The following IQCJ variants were observed in gnomAD, a reference collection of about 807,000 sequenced individuals.
IQCJ encodes IQ domain-containing protein J.
A neutral mutation model predicts 11.0 loss-of-function variants in IQCJ; 9 were observed. The observed-to-expected ratio is 0.82, with a 90% confidence interval of 0.49 to 1.43. The LOEUF is 1.43. Ranked by LOEUF, IQCJ falls within the 40% of genes most tolerant of loss-of-function variation. The pLI is 0.00. For missense variants in IQCJ, 146 were observed against 133.2 expected, an observed-to-expected ratio of 1.10 and a Z score of -0.47; for synonymous variants, 55 against 51.3, an observed-to-expected ratio of 1.07 and a Z score of -0.31.
intron 1 of IQCJ, among the ~76,000 whole-genome samples, chr3:159,228,760 G>A (rs1726012049): frequency 6.7e-6 from 1 of 150,328 alleles, no homozygotes; most frequent in South Asian, 2.1e-4. Flanking sequence ...CCGAGATCCC[G>A]CCACTGCACT....
At chr3:159,135,054 G>A (rs1300338381) in intron 1 of IQCJ, among the ~76,000 whole-genome samples, 2 of 152,142 alleles carry the variant, frequency 1.3e-5, no homozygotes, top group East Asian at 3.8e-4. Context: ...GGCCAATAGA[G>A]GGAGGCCATC....
At chr3:159,194,525 A>T (rs1312244905) in intron 1 of IQCJ, among the ~76,000 whole-genome samples, 1 of 152,208 alleles carries the variant, frequency 6.6e-6, no homozygotes, top group Non-Finnish European at 1.5e-5. Context: ...GAAGGTGGCC[A>T]CTGTCAAGCT....
chr3:159,104,486 C>T (rs1404439054), intron 1 of IQCJ, among the ~76,000 whole-genome samples: 2 of 152,204 alleles, frequency 1.3e-5, no homozygotes. Flanking sequence ...TTCTTTCTTA[C>T]CTTTTCCCTT....
chr3:159,226,636 G>C (rs1308045710), intron 1 of IQCJ, among the ~76,000 whole-genome samples: 1 of 152,162 alleles, frequency 6.6e-6, no homozygotes, highest in Non-Finnish European at 1.5e-5. Flanking sequence ...TTTAAATAAA[G>C]AGTTTTAGAA....
chr3:159,128,194 A>G (rs998849846), intron 1 of IQCJ, among the ~76,000 whole-genome samples: 1 of 152,228 alleles, frequency 6.6e-6, no homozygotes, highest in Non-Finnish European at 1.5e-5. Flanking sequence ...GTAAAAATTC[A>G]TGGGACAATG....
chr3:159,254,842 C>A (rs1443247356), intron 3 of IQCJ, among the ~76,000 whole-genome samples: 1 of 152,144 alleles, frequency 6.6e-6, no homozygotes, highest in African/African-American at 2.4e-5. Flanking sequence ...CAGTTGTTTC[C>A]TTTAACAACT....
At chr3:159,153,230 A>G (rs1721329165) in intron 1 of IQCJ, among the ~76,000 whole-genome samples, 1 of 152,258 alleles carries the variant, frequency 6.6e-6, no homozygotes, top group East Asian at 1.9e-4. Context: ...TCAAAATTTT[A>G]CCATACATCC....
At chr3:159,193,525 A>T (rs1237097853) in intron 1 of IQCJ, among the ~76,000 whole-genome samples, 2 of 151,992 alleles carry the variant, frequency 1.3e-5, no homozygotes, top group Admixed American at 1.3e-4. Context: ...ACTCTGCTTC[A>T]CTCTAAAGTG....
At chr3:159,220,774 A>G (rs918885294) in intron 1 of IQCJ, among the ~76,000 whole-genome samples, 2 of 152,122 alleles carry the variant, frequency 1.3e-5, no homozygotes, top group Non-Finnish European at 2.9e-5. Context: ...AGAAACTAAC[A>G]TTTGGGAGCT....
At chr3:159,080,681 G>A (rs983138301) in intron 1 of IQCJ, among the ~76,000 whole-genome samples, 13 of 152,136 alleles carry the variant, frequency 8.5e-5, no homozygotes, top group African/African-American at 3.1e-4. Flanking sequence ...CAACTTATGA[G>A]GTAGGTATTG....
At chr3:159,123,397 A>G (rs1719493552) in intron 1 of IQCJ, among the ~76,000 whole-genome samples, 1 of 152,192 alleles carries the variant, frequency 6.6e-6, no homozygotes, top group Admixed American at 6.5e-5. Flanking sequence ...CTCCTCTTAG[A>G]AACCTCGCTG....
At chr3:159,254,888 T>C (rs1289953324) in intron 3 of IQCJ, among the ~76,000 whole-genome samples, 1 of 152,210 alleles carries the variant, frequency 6.6e-6, no homozygotes, top group African/African-American at 2.4e-5. Context: ...AAGGGGCCAT[T>C]GGGTCTCCTG....
intron 1 of IQCJ, among the ~76,000 whole-genome samples, chr3:159,150,349 G>A (rs567955724): frequency 3.9e-5 from 6 of 152,246 alleles, no homozygotes; most frequent in African/African-American, 1.4e-4. Context: ...GGCCATCCAG[G>A]GAGGAGCAAG....
chr3:159,209,580 G>T (rs1482576954), intron 1 of IQCJ, among the ~76,000 whole-genome samples: 1 of 152,260 alleles, frequency 6.6e-6, no homozygotes, highest in South Asian at 2.1e-4. Context: ...GGCACTGCTT[G>T]TAACACACGT....
intron 1 of IQCJ, among the ~76,000 whole-genome samples, chr3:159,124,010 T>C (rs537915537): frequency 1.7e-4 from 26 of 152,174 alleles, no homozygotes; most frequent in Non-Finnish European, 2.8e-4. Flanking sequence ...GCAATATCCT[T>C]TCATGCACCT....
At chr3:159,228,721 T>C (rs1726009263) in intron 1 of IQCJ, among the ~76,000 whole-genome samples, 1 of 151,002 alleles carries the variant, frequency 6.6e-6, no homozygotes, top group South Asian at 2.1e-4. Flanking sequence ...GAGAGTGGCG[T>C]GAACCCGGGA....
intron 1 of IQCJ, among the ~76,000 whole-genome samples, chr3:159,221,293 A>C (rs1393896097): frequency 6.6e-6 from 1 of 152,148 alleles, no homozygotes; most frequent in Non-Finnish European, 1.5e-5. Flanking sequence ...AGAATTTAAT[A>C]ATATAATCAA....
At chr3:159,260,807 C>G (rs1263978038) in intron 3 of IQCJ, among the ~76,000 whole-genome samples, 1 of 151,850 alleles carries the variant, frequency 6.6e-6, no homozygotes, top group African/African-American at 2.4e-5. Context: ...TCTGAAGAGT[C>G]CTTTAAAAAA....
chr3:159,241,548 C>T (rs1726925453), intron 1 of IQCJ, among the ~76,000 whole-genome samples: 3 of 152,112 alleles, frequency 2.0e-5, no homozygotes, highest in African/African-American at 7.2e-5. Context: ...TCTCTTTTTC[C>T]TTTGTCTCCA....
Sources: allele counts gnomAD v4.1 joint callset (sites outside exome capture counted in the v4.1 genomes callset), GRCh38; gene constraint gnomAD v4.1.1; transcripts MANE v1.5; gene names NCBI Gene and HGNC (gene_info 2026-07-23, HGNC 2026-07-21).